Variants in ALOX5 observed in about 807,000 individuals in gnomAD.
The protein encoded by ALOX5 is arachidonate 5-lipoxygenase, also known as polyunsaturated fatty acid 5-lipoxygenase.
A neutral mutation model predicts 87.9 loss-of-function variants in ALOX5; 64 were observed. The observed-to-expected ratio is 0.73, with a 90% CI of 0.60 to 0.90. The LOEUF is 0.90. ALOX5 is among the 40% of genes least tolerant of loss of function. The pLI is 0.00. For synonymous variants in ALOX5, 388 were observed against 355.1 expected (o/e 1.09, Z -1.04); for missense variants, 822 against 907.5 (o/e 0.91, Z 1.21).
At chr10:45,441,176 C>T (rs1440293044) in intron 8 of ALOX5, among the ~76,000 whole-genome samples, 168 bp from the exon 9 acceptor site, 5 of 152,204 alleles carry the variant, frequency 3.3e-5, no homozygotes, top group Non-Finnish European at 1.5e-5. Context: ...CAGAGGGGTG[C>T]AGGCCTCCAG....
At chr10:45,438,839 G>T in intron 7 of ALOX5, among the ~76,000 whole-genome samples, 1 of 152,200 alleles carries the variant, frequency 6.6e-6, no homozygotes, top group South Asian at 2.1e-4. Flanking sequence ...AGTATAAACA[G>T]ACAGGCACGC....
chr10:45,409,550 T>C (rs1208206089), intron 3 of ALOX5, among the ~76,000 whole-genome samples: 7 of 149,220 alleles, frequency 4.7e-5, no homozygotes, highest in Non-Finnish European at 1.0e-4. Flanking sequence ...TCTGTCTCTC[T>C]TGCTTTCTCT....
intron 3 of ALOX5, among the ~76,000 whole-genome samples, chr10:45,409,637 CA>C (rs1841002275): frequency 1.3e-5 from 2 of 151,410 alleles, no homozygotes; most frequent in African/African-American, 4.9e-5. Flanking sequence ...CTCTCTCTCT[CA>C]TTTTTTTTCC....
intron 9 of ALOX5, 109 bp from the exon 10 acceptor site, chr10:45,442,929 A>C: frequency 1.7e-6 from 2 of 1,190,718 alleles, no homozygotes; most frequent in Admixed American, 4.8e-5. Context: ...AAGGGCTTGC[A>C]CCTCTGCCTG....
chr10:45,396,366 A>C (rs1840506280), intron 3 of ALOX5, among the ~76,000 whole-genome samples: 1 of 152,166 alleles, frequency 6.6e-6, no homozygotes, highest in Non-Finnish European at 1.5e-5. Flanking sequence ...ATCAATACAG[A>C]AATTAAAATG....
At chr10:45,409,008 A>G (rs987396925) in intron 3 of ALOX5, among the ~76,000 whole-genome samples, 3 of 152,226 alleles carry the variant, frequency 2.0e-5, no homozygotes, top group South Asian at 2.1e-4. Flanking sequence ...TTCTCTGTAC[A>G]TAGTGAACTG....
At chr10:45,413,124 G>T (rs546016331) in intron 4 of ALOX5, among the ~76,000 whole-genome samples, 2 of 152,266 alleles carry the variant, frequency 1.3e-5, no homozygotes, top group Non-Finnish European at 1.5e-5. Context: ...CCAAAGCCTG[G>T]CAGACACACA....
Position 45,395,855 on chromosome 10 carries a change from C to T in ALOX5, c.350C>T (p.Ala117Val), listed in dbSNP as rs766113756. 6 of 1,614,110 alleles carry T rather than the reference C, an allele frequency of 3.7e-6. No individual in the cohort carries two copies. The highest frequency in any genetic ancestry group is 2.2e-5 in the East Asian group (1 of 44,896). ...CTCTCATGTTGTTCTTTCTTTACAG[C>T]AAAGTTGGCCCGAGATGACCAAATT... ...DVEVVLRDGR[A>V]KLARDDQIHI... The change falls in exon 3 of 14, where the codon GCA becomes GTA. Residue 117 changes from alanine (A) to valine (V), a missense_variant and splice_region_variant. Physicochemically the swap from Ala to Val is moderately conservative, Grantham distance 64. Coordinates refer to ENST00000374391, the MANE Select transcript of ALOX5 (RefSeq NM_000698.5).
intron 2 of ALOX5, among the ~76,000 whole-genome samples, chr10:45,391,455 C>A (rs969891669): frequency 4.6e-5 from 7 of 152,170 alleles, no homozygotes; most frequent in Non-Finnish European, 1.0e-4. Flanking sequence ...ACCTCCACCT[C>A]CCAGCCGCCT....
intron 7 of ALOX5, among the ~76,000 whole-genome samples, chr10:45,438,886 TC>T (rs1226698219): frequency 1.3e-5 from 2 of 152,052 alleles, no homozygotes; most frequent in Non-Finnish European, 2.9e-5. Context: ...CCCTCCTCCC[TC>T]CCCCCTCCTT....
chr10:45,436,066 C>T (rs547819417), intron 7 of ALOX5, among the ~76,000 whole-genome samples: 19 of 152,248 alleles, frequency 1.2e-4, no homozygotes, highest in South Asian at 4.1e-4. Context: ...ACTTGTATGT[C>T]TTCTTTTGAG....
intron 4 of ALOX5, among the ~76,000 whole-genome samples, chr10:45,420,531 G>GC (rs1250407144): frequency 6.6e-6 from 1 of 152,244 alleles, no homozygotes; most frequent in Non-Finnish European, 1.5e-5. Flanking sequence ...AATCTGGATG[G>GC]CTACACTCCC....
intron 4 of ALOX5, among the ~76,000 whole-genome samples, chr10:45,422,938 A>C (rs1277736223): frequency 1.3e-5 from 2 of 152,170 alleles, no homozygotes; most frequent in Non-Finnish European, 2.9e-5. Flanking sequence ...GTCACGTGGC[A>C]GAGAGAGGGG....
chr10:45,420,124 A>C (rs1841450963), intron 4 of ALOX5, among the ~76,000 whole-genome samples: 2 of 152,238 alleles, frequency 1.3e-5, no homozygotes, highest in South Asian at 4.1e-4. Flanking sequence ...TTAACTTCCC[A>C]AATGCTACCC....
chr10:45,436,583 G>A (rs959054898), intron 7 of ALOX5, among the ~76,000 whole-genome samples: 2 of 152,022 alleles, frequency 1.3e-5, no homozygotes, highest in Admixed American at 6.5e-5. Context: ...TTATTTCTGG[G>A]TTCTCTGTTC....
chr10:45,382,572 C>T lies in ALOX5; in HGVS notation c.240C>T (p.Asp80=), dbSNP rs1284286556. Residue 80 remains aspartate, a synonymous_variant, in exon 2 of 14, where the codon GAC becomes GAT. Transcript: ENST00000374391. ...AGCGCAAGTACTGGCTGAATGACGA[C>T]TGGTACCTGAAGTACATCACGCTGA... ...IEKRKYWLND[D]WYLKYITLKT... 2 of 1,614,088 alleles carry T rather than the reference C, an allele frequency of 1.2e-6. No homozygotes were observed. Among genetic ancestry groups the T allele is most frequent in the African/African-American group, 2.7e-5 (2 of 74,948 alleles).
intron 2 of ALOX5, among the ~76,000 whole-genome samples, chr10:45,389,486 G>A (rs974650125): frequency 6.6e-6 from 1 of 152,148 alleles, no homozygotes; most frequent in African/African-American, 2.4e-5. Flanking sequence ...CAGACTAACA[G>A]CTGATCTCTC....
chr10:45,388,961 T>C (rs1331802925), intron 2 of ALOX5, among the ~76,000 whole-genome samples: 1 of 152,156 alleles, frequency 6.6e-6, no homozygotes, highest in Non-Finnish European at 1.5e-5. Flanking sequence ...ATTAGACGAA[T>C]GGCTAACTAG....
intron 4 of ALOX5, 123 bp downstream of exon 4, chr10:45,412,436 G>A (rs980105192): frequency 1.1e-5 from 15 of 1,304,422 alleles, no homozygotes; most frequent in South Asian, 2.9e-5. Flanking sequence ...TGAGCCAAAC[G>A]CTTTGATGAT....
Sources: allele counts gnomAD v4.1 joint callset (sites outside exome capture counted in the v4.1 genomes callset), GRCh38; gene constraint gnomAD v4.1.1; transcripts MANE v1.5; gene names NCBI Gene and HGNC (gene_info 2026-07-23, HGNC 2026-07-21).